Variants in NLGN1 observed in about 807,000 individuals in gnomAD.
NLGN1 encodes the protein neuroligin 1.
Under a neutral mutation model 65.5 loss-of-function variants are expected in NLGN1, and 12 were observed. The observed-to-expected ratio is 0.18, with a 90% CI of 0.12 to 0.30. The LOEUF (loss-of-function observed/expected upper bound fraction) is 0.30. NLGN1 is among the 10% of genes least tolerant of loss of function. NLGN1 has a pLI of 1.00. For synonymous variants in NLGN1, 350 were observed against 359.5 expected (o/e 0.97, Z 0.30); for missense variants, 750 against 1,007.1 (o/e 0.74, Z 3.46).
intron 4 of NLGN1, among the ~76,000 whole-genome samples, chr3:174,230,990 G>A (rs569845039): frequency 5.0e-4 from 76 of 152,258 alleles, no homozygotes; most frequent in African/African-American, 1.7e-3. Context: ...CAGGCAGGAA[G>A]GGGGTTTGTT....
chr3:173,429,997 C>T (rs1206449871), intron 1 of NLGN1, among the ~76,000 whole-genome samples: 1 of 152,170 alleles, frequency 6.6e-6, no homozygotes, highest in East Asian at 1.9e-4. Context: ...TCTAGTTTCT[C>T]TTAGAAGCCT....
chr3:173,399,370 C>G (rs1382887290), intron 1 of NLGN1, among the ~76,000 whole-genome samples: 1 of 152,180 alleles, frequency 6.6e-6, no homozygotes, highest in African/African-American at 2.4e-5. Context: ...TTCTTTAGTT[C>G]CCGTCCTTCC....
chr3:173,529,339 C>A (rs956799119), intron 2 of NLGN1, among the ~76,000 whole-genome samples: 2 of 152,130 alleles, frequency 1.3e-5, no homozygotes, highest in African/African-American at 4.8e-5. Flanking sequence ...GTGAGGTGCT[C>A]TCTGTTGTTT....
intron 4 of NLGN1, among the ~76,000 whole-genome samples, chr3:173,986,903 C>T (rs752839281): frequency 6.2e-4 from 94 of 152,314 alleles, no homozygotes; most frequent in Non-Finnish European, 3.4e-4. Context: ...TATCTCAAGT[C>T]TTGGAGCAGA....
intron 3 of NLGN1, among the ~76,000 whole-genome samples, chr3:173,774,323 G>A (rs1779993111): frequency 6.6e-6 from 1 of 152,164 alleles, no homozygotes; most frequent in Non-Finnish European, 1.5e-5. Context: ...GGGAAGAGAA[G>A]GGCATCCTGC....
intron 1 of NLGN1, among the ~76,000 whole-genome samples, chr3:173,409,768 C>T (rs963002963): frequency 6.6e-6 from 1 of 152,124 alleles, no homozygotes; most frequent in Admixed American, 6.6e-5. Flanking sequence ...TATTTCCCTC[C>T]GCCATGTGAT....
chr3:173,860,258 G>T (rs1219430258), intron 4 of NLGN1, among the ~76,000 whole-genome samples: 1 of 151,840 alleles, frequency 6.6e-6, no homozygotes, highest in African/African-American at 2.4e-5. Flanking sequence ...GGTAGTATTT[G>T]ATTGTTGTTC....
intron 3 of NLGN1, among the ~76,000 whole-genome samples, chr3:173,726,502 G>A (rs985588856): frequency 6.6e-6 from 1 of 151,904 alleles, no homozygotes; most frequent in Non-Finnish European, 1.5e-5. Flanking sequence ...GCTATAAAGT[G>A]TTATAAAACA....
At chr3:173,602,145 A>G (rs1750643322) in intron 2 of NLGN1, among the ~76,000 whole-genome samples, 1 of 152,084 alleles carries the variant, frequency 6.6e-6, no homozygotes. Context: ...AGAAGGGGAT[A>G]ACTGTTGAAT....
At position 174,224,142 on chromosome 3, in the gene NLGN1, T is replaced by C. The variant is rs1343410895; in HGVS notation, c.647-51173T>C. ...ACTTTCTGTTTGCTTATCTTTCTCG[T>C]TCCATAGAGCAACCACTTTCAGGGT... On this transcript the variant is annotated intron_variant, in intron 4 of 6. Coordinates refer to ENST00000457714, the Ensembl canonical transcript of NLGN1. 7.9e-5 allele frequency among the ~76,000 whole-genome samples: 12 copies of C among 152,316 alleles called. 1 individual carries two copies. Among genetic ancestry groups the C allele is most frequent in the Middle Eastern group, 3.4e-3 (1 of 294 alleles).
At chr3:173,915,619 C>G (rs1258378765) in intron 4 of NLGN1, among the ~76,000 whole-genome samples, 1 of 152,146 alleles carries the variant, frequency 6.6e-6, no homozygotes, top group African/African-American at 2.4e-5. Context: ...AAAATAATAT[C>G]GTGAAGAACG....
chr3:174,136,221 C>T (rs1276293519), intron 4 of NLGN1, among the ~76,000 whole-genome samples: 2 of 152,132 alleles, frequency 1.3e-5, no homozygotes, highest in Non-Finnish European at 2.9e-5. Flanking sequence ...GTGGAATGTT[C>T]ACATTAATAT....
Position 174,057,664 on chromosome 3 carries a change from C to T in NLGN1, c.647-217651C>T, listed in dbSNP as rs540447090. ...GTGGATGGAAGGGCGATCTGGCTGC[C>T]ACATCTGTCACCCATTGATTTTCCA... On this transcript the variant is annotated intron_variant, in intron 4 of 6. Transcript: ENST00000457714. The T allele has an allele frequency of 8.5e-5, 13 of 152,148 alleles. No individual in the cohort carries two copies. The East Asian group carries it at 2.5e-3, about 30-fold the overall frequency. 9.4% of individuals were successfully genotyped at this position (152,148 alleles called of 1,614,324 possible).
At chr3:173,404,183 A>G (rs1341845458) in intron 1 of NLGN1, among the ~76,000 whole-genome samples, 2 of 152,166 alleles carry the variant, frequency 1.3e-5, no homozygotes, top group Non-Finnish European at 2.9e-5. Flanking sequence ...CCAGTTTTAG[A>G]ATTCTAATAA....
intron 4 of NLGN1, among the ~76,000 whole-genome samples, chr3:174,030,011 C>A (rs890635193): frequency 2.0e-5 from 3 of 151,844 alleles, no homozygotes; most frequent in Admixed American, 6.6e-5. Flanking sequence ...TACAATAGCT[C>A]ATGGTAAATA....
chr3:173,523,922 C>CTTTTT (rs34649982), intron 2 of NLGN1, among the ~76,000 whole-genome samples: 2 of 128,674 alleles, frequency 1.6e-5, no homozygotes, highest in Non-Finnish European at 3.3e-5. Flanking sequence ...TCTTTCTTTC[C>CTTTTT]TTTTTTTTTT....
Position 173,419,020 on chromosome 3 carries a change from C to CTTTT in NLGN1, c.-389-15959_-389-15956dup, listed in dbSNP as rs59051811. The stretch of plus-strand genomic sequence containing the variant: ...TCTGTTCTTTAGCTTTCTTCTTCTT[C>CTTTT]TTTTTTTTTTTTTTTTTTTTTTTTT... On this transcript the variant is annotated intron_variant, in intron 1 of 6. Coordinates refer to ENST00000457714, the Ensembl canonical transcript of NLGN1. Among the ~76,000 whole-genome samples, 30 of 12,258 alleles carry CTTTT rather than the reference C, an allele frequency of 2.4e-3. 2 individuals are homozygous for CTTTT. Among genetic ancestry groups the CTTTT allele is most frequent in the South Asian group, 5.6e-3 (1 of 180 alleles). 8.0% of individuals were successfully genotyped at this position (12,258 alleles called of 152,430 possible). A position where few individuals can be genotyped will look rare whatever the true frequency, so the allele number is the denominator to read the frequency against.
At chr3:173,464,784 TTAAA>T (rs1376226963) in intron 2 of NLGN1, among the ~76,000 whole-genome samples, 5 of 152,224 alleles carry the variant, frequency 3.3e-5, no homozygotes, top group African/African-American at 1.2e-4. Flanking sequence ...AAAATAATTA[TTAAA>T]TAGATAGAGT....
At chr3:173,664,846 C>T (rs951091595) in intron 3 of NLGN1, among the ~76,000 whole-genome samples, 8 of 152,202 alleles carry the variant, frequency 5.3e-5, no homozygotes, top group Admixed American at 5.2e-4. Flanking sequence ...CTAAATCACA[C>T]TGCTTACATT....
Sources: gnomAD v4.1 joint callset for allele counts (sites outside exome capture counted in the v4.1 genomes callset) on GRCh38, gnomAD v4.1.1 for gene constraint, MANE v1.5 for transcripts, NCBI Gene and HGNC (gene_info 2026-07-23, HGNC 2026-07-21) for gene names.